Variants in CLIC6 observed in about 807,000 individuals in gnomAD.
The protein encoded by CLIC6 is CLIC family member 6.
A neutral mutation model predicts 49.2 loss-of-function variants in CLIC6; 39 were observed. The observed-to-expected ratio is 0.79, with a 90% CI of 0.61 to 1.04. The LOEUF is 1.04. CLIC6 is among the 50% of genes least tolerant of loss of function. The pLI, the probability that CLIC6 is intolerant of heterozygous loss-of-function variation, is 0.00. For synonymous variants in CLIC6, 446 were observed against 433.4 expected (o/e 1.03, Z -0.36); for missense variants, 988 against 993.1 (o/e 0.99, Z 0.07).
intron 1 of CLIC6, among the ~76,000 whole-genome samples, chr21:34,702,508 G>C (rs539367973): frequency 6.6e-6 from 1 of 152,258 alleles, no homozygotes; most frequent in African/African-American, 2.4e-5. Flanking sequence ...ATTCCACGAG[G>C]GGTGTTCATC....
At position 34,715,002 on chromosome 21, in the gene CLIC6, C is replaced by G. The variant is rs148894320; in HGVS notation, c.1900-1319C>G. Among the ~76,000 whole-genome samples, 1,217 of 152,356 alleles carry G rather than the reference C, an allele frequency of 8.0e-3. 23 individuals carry two copies. Among genetic ancestry groups the G allele is most frequent in the African/African-American group, 0.027 (1,143 of 41,578 alleles). On this transcript the variant is annotated intron_variant, in intron 5 of 5. Coordinates refer to ENST00000349499, the MANE Select transcript of CLIC6 (RefSeq NM_053277.3). The stretch of plus-strand genomic sequence containing the variant: ...AAGTTGGCATTCAAGGAAGAGGTGT[C>G]AAACAATTTAGGAGGCTCTCTGAAA...
At position 34,709,554 on chromosome 21, in the gene CLIC6, C is replaced by T. The variant is rs572899754; in HGVS notation, c.1899+16C>T. 2.5e-5 allele frequency: 41 copies of T among 1,611,496 alleles called. No individual in the cohort carries two copies. The highest frequency in any genetic ancestry group is 1.4e-4 in the South Asian group (13 of 90,962). On this transcript the variant is annotated intron_variant, in intron 5 of 5. Transcript: ENST00000349499. ...TATTATTAAGGTTCATCTTCCCTCC[C>T]GACACGTGTGCCGAGTACACGAACG... is the stretch of plus-strand genomic sequence containing the variant.
intron 1 of CLIC6, among the ~76,000 whole-genome samples, chr21:34,676,446 C>T (rs892246788): frequency 2.6e-5 from 4 of 152,224 alleles, no homozygotes; most frequent in African/African-American, 9.6e-5. Flanking sequence ...TACCATCTAG[C>T]ACAGAAGACA....
intron 4 of CLIC6, among the ~76,000 whole-genome samples, chr21:34,709,029 A>T (rs2056037113): frequency 6.6e-6 from 1 of 152,220 alleles, no homozygotes; most frequent in Admixed American, 6.5e-5. Context: ...TAGGGAAAAT[A>T]GTCATCACCC....
At chr21:34,701,028 A>G (rs933362273) in intron 1 of CLIC6, among the ~76,000 whole-genome samples, 3 of 139,182 alleles carry the variant, frequency 2.2e-5, no homozygotes, top group Non-Finnish European at 3.1e-5. Context: ...GAGTAGGTAT[A>G]GGATGTGTTA....
intron 1 of CLIC6, among the ~76,000 whole-genome samples, chr21:34,680,818 C>A (rs1260919827): frequency 6.6e-6 from 1 of 152,224 alleles, no homozygotes. Flanking sequence ...GCATTTTGGT[C>A]AAATCCATTC....
intron 1 of CLIC6, among the ~76,000 whole-genome samples, chr21:34,693,226 C>G (rs368380251): frequency 3.9e-5 from 6 of 152,158 alleles, no homozygotes; most frequent in East Asian, 3.8e-4. Flanking sequence ...ACCAGCTTGT[C>G]CTAGTTTTTC....
chr21:34,690,067 G>A (rs1989961899), intron 1 of CLIC6, among the ~76,000 whole-genome samples: 1 of 152,200 alleles, frequency 6.6e-6, no homozygotes, highest in South Asian at 2.1e-4. Context: ...TTGGATCACA[G>A]GAACTTGTTT....
chr21:34,709,267 C>G (rs956755043), intron 4 of CLIC6, 90 bp from the exon 5 acceptor site: 3 of 1,172,174 alleles, frequency 2.6e-6, no homozygotes, highest in Non-Finnish European at 3.7e-6. Flanking sequence ...CACATCTCAG[C>G]GAGGAAGGGA....
chr21:34,669,749 C>A lies in CLIC6; in HGVS notation c.361C>A (p.Pro121Thr). The A allele has an allele frequency of 7.2e-7, 1 of 1,390,578 alleles. No individual in the cohort carries two copies. 86.1% of individuals were successfully genotyped at this position (1,390,578 alleles called of 1,614,324 possible). A position where few individuals can be genotyped will look rare whatever the true frequency, so the allele number is the denominator to read the frequency against. ...CCCGGGACGCGGCGCGCAGGGCGAGCCCCGCGGGGAGGCTCAGAGGGAGCC... is the reference window on the plus strand; with the variant it reads ...CCCGGGACGCGGCGCGCAGGGCGAGACCCGCGGGGAGGCTCAGAGGGAGCC... ...ASPGRGAQGE[P>T]RGEAQREPED... Residue 121 changes from proline to threonine, a missense_variant, in exon 1 of 6, where the codon CCC (proline) becomes ACC (threonine). By Grantham distance (38) the Pro-to-Thr change is conservative. Coordinates refer to ENST00000349499, the MANE Select transcript of CLIC6 (RefSeq NM_053277.3).
At chr21:34,707,183 C>G in intron 1 of CLIC6, 97 bp from the exon 2 acceptor site, 1 of 950,772 alleles carries the variant, frequency 1.1e-6, no homozygotes, top group South Asian at 1.3e-5. Flanking sequence ...CCTGACCGTT[C>G]TTATCAACCT....
intron 5 of CLIC6, among the ~76,000 whole-genome samples, chr21:34,714,581 G>A (rs972252837): frequency 6.6e-5 from 10 of 151,910 alleles, no homozygotes; most frequent in African/African-American, 1.7e-4. Flanking sequence ...CCAGCTACTC[G>A]GGAGGCTGAG....
chr21:34,670,795 C>T lies in CLIC6; in HGVS notation c.1374+33C>T, dbSNP rs1473715662. ...TCGCTTCCCTCAATTCTTAGGACGACCCCCTTCCATTCGAGGTCTTGGTCA... is the reference window on the plus strand; with the variant it reads ...TCGCTTCCCTCAATTCTTAGGACGATCCCCTTCCATTCGAGGTCTTGGTCA... On this transcript the variant is annotated intron_variant, in intron 1 of 5. Coordinates refer to ENST00000349499, the MANE Select transcript of CLIC6 (RefSeq NM_053277.3). 2.5e-6 allele frequency: 4 copies of T among 1,575,178 alleles called. No homozygotes were observed. The African/African-American group carries it at 4.1e-5, about 16-fold the overall frequency.
intron 1 of CLIC6, 66 bp from the exon 2 acceptor site, chr21:34,707,214 T>A: frequency 8.7e-7 from 1 of 1,147,716 alleles, no homozygotes; most frequent in Non-Finnish European, 1.3e-6. Context: ...TGCATGTGCA[T>A]GTTGTGGTGT....
At position 34,669,297 on chromosome 21, in the gene CLIC6, A is replaced by G; in HGVS notation, c.-92A>G. 3 of 1,061,220 alleles carry G rather than the reference A, an allele frequency of 2.8e-6. No individual in the cohort carries two copies. Among genetic ancestry groups the G allele is most frequent in the African/African-American group, 1.6e-5 (1 of 61,202 alleles). The allele number at this position is 1,061,220 out of a possible 1,614,324, so 65.7% of individuals were successfully genotyped here. A position where few individuals can be genotyped will look rare whatever the true frequency, so the allele number is the denominator to read the frequency against. Reference sequence around the variant, plus strand: ...GGAGCCGGCGTCCTTCAAGGAGCACAGAGGGCCCCGTAGCACGCCCCTTGC... The same window carrying G: ...GGAGCCGGCGTCCTTCAAGGAGCACGGAGGGCCCCGTAGCACGCCCCTTGC... On this transcript the variant is annotated 5_prime_UTR_variant, in exon 1 of 6. Coordinates refer to ENST00000349499, the MANE Select transcript of CLIC6 (RefSeq NM_053277.3).
At chr21:34,715,289 T>C (rs1326613042) in intron 5 of CLIC6, among the ~76,000 whole-genome samples, 1 of 152,162 alleles carries the variant, frequency 6.6e-6, no homozygotes, top group Non-Finnish European at 1.5e-5. Flanking sequence ...TATTTAAAAA[T>C]AGGATCTTTG....
chr21:34,681,363 A>G (rs6517249), intron 1 of CLIC6, among the ~76,000 whole-genome samples: 2,376 of 152,318 alleles, frequency 0.016, 69 homozygotes, highest in African/African-American at 0.054. Flanking sequence ...TGATTATTAT[A>G]ATTCAAGGTG....
intron 1 of CLIC6, among the ~76,000 whole-genome samples, chr21:34,700,000 G>A (rs1299351103): frequency 2.0e-5 from 3 of 151,966 alleles, no homozygotes; most frequent in Admixed American, 6.6e-5. Context: ...TTTTTAAGCC[G>A]GCTGGAGCCA....
chr21:34,701,655 A>G (rs1183330119), intron 1 of CLIC6, among the ~76,000 whole-genome samples: 1 of 152,138 alleles, frequency 6.6e-6, no homozygotes, highest in Non-Finnish European at 1.5e-5. Context: ...CAAGGTTCCA[A>G]CAGCTCTCCC....
Sources: gnomAD v4.1 joint callset for allele counts (sites outside exome capture counted in the v4.1 genomes callset) on GRCh38, gnomAD v4.1.1 for gene constraint, MANE v1.5 for transcripts, NCBI Gene and HGNC (gene_info 2026-07-23, HGNC 2026-07-21) for gene names.